Variants in CCDC91 observed in about 807,000 individuals in gnomAD.
The protein encoded by CCDC91 is coiled-coil domain containing 91.
Under a neutral mutation model 63.2 loss-of-function variants are expected in CCDC91, and 48 were observed. That is an observed-to-expected ratio of 0.76 (90% CI 0.60 to 0.97). The LOEUF (loss-of-function observed/expected upper bound fraction) is 0.97, where lower values mean the gene tolerates loss of function less well. CCDC91 is among the 50% of genes least tolerant of loss of function. CCDC91 has a pLI of 0.00. For synonymous variants in CCDC91, 167 were observed against 165.8 expected (o/e 1.01, Z -0.06); for missense variants, 500 against 494.6 (o/e 1.01, Z -0.10).
intron 7 of CCDC91, among the ~76,000 whole-genome samples, chr12:28,391,023 T>C (rs1298357004): frequency 5.3e-5 from 8 of 149,762 alleles, no homozygotes; most frequent in Non-Finnish European, 7.4e-5. Context: ...ACAGAACTAC[T>C]CACCCTCTCT....
intron 1 of CCDC91, among the ~76,000 whole-genome samples, chr12:28,250,153 GGTTTGGA>G (rs1182844983): frequency 2.0e-5 from 3 of 151,990 alleles, no homozygotes; most frequent in Non-Finnish European, 4.4e-5. Flanking sequence ...TAGATATAAG[GGTTTGGA>G]GAGTAAATGT....
intron 8 of CCDC91, among the ~76,000 whole-genome samples, chr12:28,407,537 T>C (rs539796631): frequency 6.6e-6 from 1 of 152,226 alleles, no homozygotes; most frequent in African/African-American, 2.4e-5. Flanking sequence ...ACTTTTATAA[T>C]CCAGTATTGT....
rs189070472 is a variant in CCDC91 at position 28,284,415 on chromosome 12, G to A, written c.110-21234G>A. Among the ~76,000 whole-genome samples the A allele has an allele frequency of 4.8e-4, 73 of 152,184 alleles. No homozygotes were observed. In the East Asian group the frequency reaches 0.013, roughly 28 times the overall value. ...TGCCTGTAATCCCGGCACTTTGGGA[G>A]GCTGAGGTGGGCGGATCATCTGAGG... is the stretch of plus-strand genomic sequence containing the variant. On this transcript the variant is annotated intron_variant, in intron 3 of 12. Transcript: ENST00000536442.
chr12:28,232,340 A>C (rs1013759486), intron 1 of CCDC91, among the ~76,000 whole-genome samples: 2 of 151,752 alleles, frequency 1.3e-5, no homozygotes, highest in Admixed American at 1.3e-4. Context: ...TTTTTTTTTC[A>C]CTTTTCTAAT....
chr12:28,478,551 G>T (rs537444977), intron 11 of CCDC91, among the ~76,000 whole-genome samples: 1 of 152,210 alleles, frequency 6.6e-6, no homozygotes, highest in Admixed American at 6.6e-5. Flanking sequence ...CATAGGCATG[G>T]GCAAGGACTT....
At chr12:28,535,037 A>T (rs1942038936) in intron 12 of CCDC91, among the ~76,000 whole-genome samples, 1 of 152,330 alleles carries the variant, frequency 6.6e-6, no homozygotes, top group Non-Finnish European at 1.5e-5. Flanking sequence ...TGAGACACTC[A>T]TACAGCTTTT....
At chr12:28,340,112 T>C (rs1482227352) in intron 6 of CCDC91, among the ~76,000 whole-genome samples, 1 of 152,210 alleles carries the variant, frequency 6.6e-6, no homozygotes, top group Admixed American at 6.5e-5. Context: ...ATTTACCATA[T>C]TAGAATATAA....
intron 12 of CCDC91, among the ~76,000 whole-genome samples, chr12:28,494,873 C>G (rs1331157660): frequency 6.6e-6 from 1 of 151,702 alleles, no homozygotes; most frequent in African/African-American, 2.4e-5. Context: ...AAATCACTGT[C>G]TGATTAGGTC....
At chr12:28,250,053 A>C (rs1327551002) in intron 1 of CCDC91, among the ~76,000 whole-genome samples, 1 of 152,130 alleles carries the variant, frequency 6.6e-6, no homozygotes, top group East Asian at 1.9e-4. Flanking sequence ...GAAGGAGAAG[A>C]TAATGAGATA....
At chr12:28,541,394 A>C (rs1014821214) in intron 12 of CCDC91, among the ~76,000 whole-genome samples, 14 of 152,142 alleles carry the variant, frequency 9.2e-5, no homozygotes, top group African/African-American at 3.1e-4. Flanking sequence ...TGAAATATCA[A>C]TCATTTGAGA....
intron 8 of CCDC91, among the ~76,000 whole-genome samples, chr12:28,432,607 G>A (rs1201010833): frequency 6.6e-6 from 1 of 151,976 alleles, no homozygotes; most frequent in Non-Finnish European, 1.5e-5. Flanking sequence ...TTTCTTTATA[G>A]CAGTGTAAAA....
intron 8 of CCDC91, among the ~76,000 whole-genome samples, chr12:28,432,384 A>G (rs1592657369): frequency 6.6e-6 from 1 of 152,054 alleles, no homozygotes; most frequent in Admixed American, 6.6e-5. Context: ...CAGTTTCCCC[A>G]TGCTGTTCTC....
intron 1 of CCDC91, among the ~76,000 whole-genome samples, chr12:28,200,058 G>T (rs908973916): frequency 4.0e-5 from 6 of 151,582 alleles, no homozygotes; most frequent in African/African-American, 1.2e-4. Context: ...TCTTTTTCTG[G>T]TTCTCTCATT....
chr12:28,449,043 G>A (rs1472631531), intron 8 of CCDC91, among the ~76,000 whole-genome samples: 2 of 152,026 alleles, frequency 1.3e-5, no homozygotes, highest in Non-Finnish European at 2.9e-5. Flanking sequence ...TCAGAGTCAT[G>A]TAATGATTTG....
At chr12:28,204,535 C>T (rs1413824638) in intron 1 of CCDC91, among the ~76,000 whole-genome samples, 3 of 152,136 alleles carry the variant, frequency 2.0e-5, no homozygotes, top group South Asian at 2.1e-4. Flanking sequence ...TTTTCACACT[C>T]ATCATGAATT....
intron 8 of CCDC91, among the ~76,000 whole-genome samples, chr12:28,398,839 T>G (rs1048729378): frequency 6.6e-6 from 1 of 152,232 alleles, no homozygotes; most frequent in Admixed American, 6.5e-5. Context: ...TATTTTATTA[T>G]GTTGTCTACT....
Position 28,391,588 on chromosome 12 carries a change from G to C in CCDC91, c.762+177G>C, listed in dbSNP as rs370746636. ...ATGACAGACTCAAAATAGAACGTAA[G>C]ACCTGAAATATGTGGGTCTCCCCCA... On this transcript the variant is annotated intron_variant, in intron 8 of 12. Transcript: ENST00000536442. 5.9e-5 allele frequency among the ~76,000 whole-genome samples: 9 copies of C among 152,132 alleles called. No individual in the cohort carries two copies. In the East Asian group the frequency reaches 9.6e-4, roughly 16 times the overall value.
intron 7 of CCDC91, among the ~76,000 whole-genome samples, chr12:28,379,829 A>AT (rs1476416865): frequency 1.3e-5 from 2 of 152,200 alleles, no homozygotes; most frequent in African/African-American, 4.8e-5. Flanking sequence ...GTTATAAATC[A>AT]TTCTACTATA....
intron 12 of CCDC91, among the ~76,000 whole-genome samples, chr12:28,487,916 C>G (rs796645802): frequency 9.2e-5 from 14 of 151,526 alleles, no homozygotes; most frequent in African/African-American, 3.4e-4. Flanking sequence ...TCCCCTACAT[C>G]TTTTTTTTAG....
Sources: gnomAD v4.1 joint callset for allele counts (sites outside exome capture counted in the v4.1 genomes callset) on GRCh38, gnomAD v4.1.1 for gene constraint, MANE v1.5 for transcripts, NCBI Gene and HGNC (gene_info 2026-07-23, HGNC 2026-07-21) for gene names.